MTM1: variants seen among roughly 807,000 people sequenced by gnomAD.
MTM1 encodes myotubularin.
Under a neutral mutation model 52.1 loss-of-function variants are expected in MTM1, and 9 were observed. The observed-to-expected ratio is 0.17, with a 90% confidence interval of 0.10 to 0.30. The LOEUF (loss-of-function observed/expected upper bound fraction) is 0.30, where lower values mean the gene tolerates loss of function less well. Ranked by LOEUF, MTM1 falls within the 10% of genes least tolerant of loss-of-function variation. MTM1 has a pLI of 1.00. For missense variants in MTM1, 277 were observed against 470.7 expected (o/e 0.59, Z 3.81); for synonymous variants, 136 against 163.8 (o/e 0.83, Z 1.29).
chrX:150,626,396 C>T (rs1381298996), intron 6 of MTM1, among the ~76,000 whole-genome samples: 2 of 111,403 alleles, frequency 1.8e-5, no homozygotes, highest in African/African-American at 6.5e-5. Context: ...TCACTGCAAC[C>T]TTCGCCTCCC....
At chrX:150,624,700 T>C (rs1400842808) in intron 6 of MTM1, among the ~76,000 whole-genome samples, 8 of 111,920 alleles carry the variant, frequency 7.1e-5, no homozygotes, top group African/African-American at 2.6e-4. Flanking sequence ...ATAATATGGA[T>C]AAGTGTGGCT....
chrX:150,595,760 T>C (rs1557412586), intron 2 of MTM1, among the ~76,000 whole-genome samples: 1 of 111,923 alleles, frequency 8.9e-6, no homozygotes, highest in African/African-American at 3.3e-5. Flanking sequence ...CGCCTGCAGG[T>C]TGTAGTGGTT....
chrX:150,661,007 A>AT (rs1231812094), intron 13 of MTM1, among the ~76,000 whole-genome samples: 3 of 111,209 alleles, frequency 2.7e-5, no homozygotes, highest in Non-Finnish European at 5.7e-5. Context: ...CTTTTTCTTT[A>AT]TTTTTTTGTT....
chrX:150,651,765 G>C (rs946362582), intron 10 of MTM1, among the ~76,000 whole-genome samples: 1 of 111,330 alleles, frequency 9.0e-6, no homozygotes, highest in African/African-American at 3.3e-5. Flanking sequence ...GAGAGAGGAT[G>C]TGTGGGGAAA....
At chrX:150,660,258 C>T (rs1557414627) in intron 12 of MTM1, 113 bp from the exon 13 acceptor site, 5 of 511,947 alleles carry the variant, frequency 9.8e-6, no homozygotes, top group Non-Finnish European at 1.7e-5. Flanking sequence ...CTCTGCTGTC[C>T]TTCCTAGAGC....
At chrX:150,578,159 C>T (rs782781773) in intron 1 of MTM1, among the ~76,000 whole-genome samples, 2 of 112,176 alleles carry the variant, frequency 1.8e-5, no homozygotes, top group African/African-American at 6.5e-5. Context: ...GGGTCCTCCC[C>T]GAGGTGAGAT....
chrX:150,598,715 A>C (rs1557412672), intron 4 of MTM1, 29 bp downstream of exon 4: 1 of 953,857 alleles, frequency 1.0e-6, no homozygotes, highest in Admixed American at 2.3e-5. Flanking sequence ...CATAAAGATG[A>C]CCCTAACTGT....
At chrX:150,588,031 T>C (rs782183229) in intron 1 of MTM1, among the ~76,000 whole-genome samples, 24 of 111,586 alleles carry the variant, frequency 2.2e-4, no homozygotes, top group Middle Eastern at 9.2e-3. Flanking sequence ...TCGGGTCTGA[T>C]GGTATTGAGC....
At chrX:150,657,708 T>G (rs1456515188) in intron 10 of MTM1, 113 bp from the exon 11 acceptor site, 6 of 699,815 alleles carry the variant, frequency 8.6e-6, no homozygotes, top group Non-Finnish European at 1.3e-5. Flanking sequence ...TTTTGATAAA[T>G]CTTTGTTCTG....
intron 1 of MTM1, among the ~76,000 whole-genome samples, chrX:150,573,196 C>T (rs2038410435): frequency 8.9e-6 from 1 of 112,535 alleles, no homozygotes; most frequent in Middle Eastern, 4.6e-3. Flanking sequence ...AGAGATCATG[C>T]TCCCTGTCTG....
chrX:150,610,018 A>G (rs1440612362), intron 4 of MTM1, among the ~76,000 whole-genome samples: 1 of 111,660 alleles, frequency 9.0e-6, no homozygotes, highest in Non-Finnish European at 1.9e-5. Flanking sequence ...AACCTGGCCT[A>G]TATTTTTTTA....
intron 14 of MTM1, among the ~76,000 whole-genome samples, chrX:150,667,567 T>C (rs1163271812): frequency 8.9e-6 from 1 of 112,057 alleles, no homozygotes; most frequent in African/African-American, 3.2e-5. Flanking sequence ...TGGCCCTCAG[T>C]TGAATTTTAA....
At chrX:150,647,194 A>ATATATATAT in intron 9 of MTM1, among the ~76,000 whole-genome samples, 1 of 83,836 alleles carries the variant, frequency 1.2e-5, no homozygotes, top group Non-Finnish European at 2.1e-5. Flanking sequence ...TTTCAGGGTG[A>ATATATATAT]ATATATATAT....
intron 4 of MTM1, among the ~76,000 whole-genome samples, chrX:150,610,130 C>A (rs1369076041): frequency 8.9e-6 from 1 of 112,194 alleles, no homozygotes; most frequent in East Asian, 2.8e-4. Context: ...CTTTAAGGAT[C>A]ATTTTTAATG....
At chrX:150,591,119 T>C in intron 1 of MTM1, 1 of 579,032 alleles carries the variant, frequency 1.7e-6, no homozygotes, top group Non-Finnish European at 2.1e-6. Context: ...TTAATCTTTT[T>C]AAAAAGTTAC....
intron 10 of MTM1, among the ~76,000 whole-genome samples, chrX:150,650,767 A>G (rs1557414167): frequency 1.8e-5 from 2 of 111,440 alleles, no homozygotes; most frequent in African/African-American, 6.5e-5. Context: ...TCTCGTATCT[A>G]TTCTATAAGC....
rs1018919914 is a variant in MTM1 at position 150,667,474 on chromosome X, C to A, written c.1644+3865C>A. ...TATGTTCGTTGTTTGTCCGTCTCCC[C>A]CTGCTAGAAGATAAAGGCCATAAAA... On this transcript the variant is annotated intron_variant, in intron 14 of 14. Coordinates refer to ENST00000370396, the MANE Select transcript of MTM1 (RefSeq NM_000252.3). Among the ~76,000 whole-genome samples, 3 of 111,570 alleles carry A rather than the reference C, an allele frequency of 2.7e-5. 1 individual carries two copies. In the Admixed American group the frequency reaches 2.9e-4, roughly 11 times the overall value.
At chrX:150,608,438 C>G (rs1473386351) in intron 4 of MTM1, among the ~76,000 whole-genome samples, 1 of 111,624 alleles carries the variant, frequency 9.0e-6, no homozygotes, top group African/African-American at 3.3e-5. Context: ...AGGCTGGTCT[C>G]AAACTCCTTG....
At chrX:150,650,399 A>T (rs2040000454) in intron 10 of MTM1, among the ~76,000 whole-genome samples, 1 of 111,792 alleles carries the variant, frequency 8.9e-6, no homozygotes, top group African/African-American at 3.3e-5. Flanking sequence ...ACTTGAAGTG[A>T]TCTGAGGGAA....
Sources: allele counts gnomAD v4.1 joint callset (sites outside exome capture counted in the v4.1 genomes callset), GRCh38; gene constraint gnomAD v4.1.1; transcripts MANE v1.5; gene names NCBI Gene and HGNC (gene_info 2026-07-23, HGNC 2026-07-21).